Variants in EMID1 observed in about 807,000 individuals in gnomAD.
EMID1 encodes EMI domain containing 1, also known as EMI domain-containing protein 1.
EMID1 carries 40 observed loss-of-function variants against 60.6 expected under a neutral mutation model. The observed-to-expected ratio is 0.66, with a 90% CI of 0.51 to 0.86. The LOEUF (loss-of-function observed/expected upper bound fraction) is 0.86, where lower values mean the gene tolerates loss of function less well. Among genes scored for constraint, EMID1 ranks in the 40% least tolerant of loss-of-function variants. The pLI is 0.00. For synonymous variants in EMID1, 242 were observed against 231.0 expected (o/e 1.05, Z -0.43); for missense variants, 585 against 597.1 (o/e 0.98, Z 0.21).
intron 3 of EMID1, among the ~76,000 whole-genome samples, chr22:29,217,031 A>G (rs540236042): frequency 3.3e-5 from 5 of 152,310 alleles, no homozygotes; most frequent in African/African-American, 1.2e-4. Context: ...CAGGAGAGCC[A>G]GCCAGGAGGG....
chr22:29,235,780 CTTTTTTTT>C (rs56085732), intron 12 of EMID1, among the ~76,000 whole-genome samples: 6 of 73,866 alleles, frequency 8.1e-5, no homozygotes, highest in Admixed American at 1.8e-4. Flanking sequence ...AGAATTTAAG[CTTTTTTTT>C]TTTTTTTTTT....
chr22:29,225,095 A>G, intron 3 of EMID1, 38 bp from the exon 4 acceptor site: 1 of 1,606,102 alleles, frequency 6.2e-7, no homozygotes, highest in Non-Finnish European at 8.5e-7. Flanking sequence ...GGAGGCAAGG[A>G]TCACATGCCA....
Position 29,259,189 on chromosome 22 carries a change from A to G in EMID1, c.*245A>G. Reference sequence around the variant, plus strand: ...GTGAAGTGGGGGGAGGCAGGCCTTCAAGGAGGGATAGAGGTACAAGGCTTC... The same window carrying G: ...GTGAAGTGGGGGGAGGCAGGCCTTCGAGGAGGGATAGAGGTACAAGGCTTC... On this transcript the variant is annotated 3_prime_UTR_variant, in exon 15 of 15. Coordinates refer to ENST00000334018, the MANE Select transcript of EMID1 (RefSeq NM_133455.4). 1 of 567,886 alleles carries G rather than the reference A, an allele frequency of 1.8e-6. No homozygotes were observed. Among genetic ancestry groups the G allele is most frequent in the Non-Finnish European group, 3.0e-6 (1 of 335,048 alleles). 35.2% of individuals were successfully genotyped at this position (567,886 alleles called of 1,614,324 possible).
rs750313368 is a variant in EMID1, at chr22:29,243,427, C to T, written c.1075-18C>T. On this transcript the variant is annotated intron_variant, in intron 12 of 14. Coordinates refer to ENST00000334018, the MANE Select transcript of EMID1 (RefSeq NM_133455.4). ...TCCTTGCCTTCCTCACTGCTGCTAT[C>T]TCTGTCTCTCCTTGCAGGGGGAACC... The T allele has an allele frequency of 8.1e-6, 13 of 1,613,566 alleles. No homozygotes were observed. Among genetic ancestry groups the T allele is most frequent in the Non-Finnish European group, 1.0e-5 (12 of 1,179,716 alleles).
chr22:29,246,503 G>A (rs77432704), intron 13 of EMID1, among the ~76,000 whole-genome samples: 6,155 of 152,262 alleles, frequency 0.04, 260 homozygotes, highest in East Asian at 0.14. Flanking sequence ...ACAGACAGCC[G>A]TCGATGGAGC....
At chr22:29,239,709 A>G (rs893474578) in intron 12 of EMID1, among the ~76,000 whole-genome samples, 2 of 151,938 alleles carry the variant, frequency 1.3e-5, no homozygotes, top group African/African-American at 4.8e-5. Flanking sequence ...TAATGTAGTG[A>G]GAAGGTATTG....
intron 14 of EMID1, chr22:29,255,147 A>G (rs1481731873): frequency 1.2e-5 from 7 of 567,844 alleles, no homozygotes; most frequent in African/African-American, 3.8e-5. Flanking sequence ...CAGTACTGAG[A>G]CTCACTCCCA....
At chr22:29,211,808 A>T (rs2039896019) in intron 1 of EMID1, among the ~76,000 whole-genome samples, 1 of 152,138 alleles carries the variant, frequency 6.6e-6, no homozygotes, top group South Asian at 2.1e-4. Context: ...TCACTCACGA[A>T]GCCCCTGGGC....
intron 9 of EMID1, 58 bp downstream of exon 9, chr22:29,233,526 G>T: frequency 6.2e-7 from 1 of 1,607,070 alleles, no homozygotes; most frequent in Non-Finnish European, 8.5e-7. Flanking sequence ...AGAGGGAATA[G>T]GGTTTGTGGC....
intron 1 of EMID1, among the ~76,000 whole-genome samples, chr22:29,210,096 G>A (rs1041393959): frequency 5.9e-5 from 9 of 152,114 alleles, no homozygotes; most frequent in Admixed American, 1.3e-4. Context: ...TCCCCAGGTG[G>A]AGGGGGCAAG....
intron 12 of EMID1, among the ~76,000 whole-genome samples, chr22:29,242,065 C>A (rs569848719): frequency 3.3e-5 from 5 of 152,242 alleles, no homozygotes; most frequent in African/African-American, 1.2e-4. Flanking sequence ...TGCACACCAC[C>A]ATATCTGGCT....
chr22:29,222,500 T>A (rs2040337270), intron 3 of EMID1, among the ~76,000 whole-genome samples: 1 of 150,478 alleles, frequency 6.6e-6, no homozygotes, highest in African/African-American at 2.5e-5. Context: ...CGCTCCCAGG[T>A]TCAAGCGATT....
intron 12 of EMID1, among the ~76,000 whole-genome samples, chr22:29,237,974 C>G (rs2041016262): frequency 6.9e-6 from 1 of 144,180 alleles, no homozygotes; most frequent in South Asian, 2.2e-4. Flanking sequence ...ATGTTTCCTA[C>G]AAGGCAGATC....
chr22:29,231,183 G>T, intron 6 of EMID1, 43 bp downstream of exon 6: 1 of 1,546,402 alleles, frequency 6.5e-7, no homozygotes, highest in African/African-American at 1.4e-5. Flanking sequence ...TGAGCAGTGG[G>T]TTGGGAATCG....
intron 5 of EMID1, among the ~76,000 whole-genome samples, chr22:29,229,066 G>T (rs886688671): frequency 3.9e-5 from 6 of 152,178 alleles, no homozygotes; most frequent in Non-Finnish European, 5.9e-5. Flanking sequence ...TCTAGGCTGG[G>T]CATGGTGGCT....
rs1337641197 is a variant in EMID1 at position 29,227,743 on chromosome 22, G to A, written c.465+1192G>A. ...AAAAAAAAAACAAATTAGGCCAGGC[G>A]CAGTGGCTCATGCCTGTAATCTCAG... On this transcript the variant is annotated intron_variant, in intron 5 of 14. Coordinates refer to ENST00000334018, the MANE Select transcript of EMID1 (RefSeq NM_133455.4). 5.3e-5 allele frequency among the ~76,000 whole-genome samples: 8 copies of A among 150,022 alleles called. No homozygotes were observed. In the East Asian group the frequency reaches 1.4e-3, roughly 26 times the overall value.
In EMID1 at chr22:29,215,286, GC is replaced by G; in HGVS notation, c.216-240del. 3 of 984,388 alleles carry G rather than the reference GC, an allele frequency of 3.0e-6. No homozygotes were observed. In the South Asian group the frequency reaches 1.4e-4, roughly 46 times the overall value. 61.0% of individuals were successfully genotyped at this position (984,388 alleles called of 1,614,324 possible). ...TTTACTCAGTGAGTATTCACGCTGG[GC>G]TCAGGCCAGCCCAGCCTGCAGGGTC... On this transcript the variant is annotated intron_variant, in intron 2 of 14. Coordinates refer to ENST00000334018, the MANE Select transcript of EMID1 (RefSeq NM_133455.4).
rs1280044805 is a variant in EMID1 at position 29,237,496 on chromosome 22, T to G, written c.1074+3147T>G. On this transcript the variant is annotated intron_variant, in intron 12 of 14. Transcript: ENST00000334018. ...ATGCCCGGCCATGCTCCTCCTTTCTTTATGTAAAATCTGAGTTTCTGGCCA... is the reference window on the plus strand; with the variant it reads ...ATGCCCGGCCATGCTCCTCCTTTCTGTATGTAAAATCTGAGTTTCTGGCCA... Among the ~76,000 whole-genome samples, 20 of 143,914 alleles carry G rather than the reference T, an allele frequency of 1.4e-4. 3 individuals are homozygous for G. Among genetic ancestry groups the G allele is most frequent in the Admixed American group, 1.3e-3 (19 of 14,740 alleles). 94.4% of individuals were successfully genotyped at this position (143,914 alleles called of 152,430 possible).
At chr22:29,224,015 C>T (rs899158179) in intron 3 of EMID1, among the ~76,000 whole-genome samples, 14 of 152,232 alleles carry the variant, frequency 9.2e-5, no homozygotes, top group African/African-American at 3.4e-4. Flanking sequence ...CAGTCCTGGG[C>T]TGGCAACCCA....
Sources: gnomAD v4.1 joint callset for allele counts (sites outside exome capture counted in the v4.1 genomes callset) on GRCh38, gnomAD v4.1.1 for gene constraint, MANE v1.5 for transcripts, NCBI Gene and HGNC (gene_info 2026-07-23, HGNC 2026-07-21) for gene names.